Variants in NSA2 observed in about 807,000 individuals in gnomAD.
NSA2 encodes the protein ribosome biogenesis protein NSA2 homolog.
In NSA2, 18 loss-of-function variants were observed where a neutral mutation model predicts 34.8. The ratio of observed to expected loss-of-function variants is 0.52; its 90% CI spans 0.36 to 0.77. NSA2 has a LOEUF of 0.77. NSA2 is among the 30% of genes least tolerant of loss of function. NSA2 has a pLI of 0.00. For missense variants in NSA2, 188 were observed against 314.7 expected (o/e 0.60, Z 3.05); for synonymous variants, 79 against 100.2 (o/e 0.79, Z 1.26).
At chr5:74,776,372 CG>C (rs1745121480) in intron 5 of NSA2, among the ~76,000 whole-genome samples, 1 of 152,080 alleles carries the variant, frequency 6.6e-6, no homozygotes, top group Non-Finnish European at 1.5e-5. Context: ...CAGGCAGTGG[CG>C]TGTGCCTGTG....
chr5:74,767,681 T>A (rs1744737272), intron 1 of NSA2, among the ~76,000 whole-genome samples: 1 of 152,194 alleles, frequency 6.6e-6, no homozygotes, highest in Admixed American at 6.5e-5. Context: ...CCCCAGAGCC[T>A]AATGGGAATA....
intron 3 of NSA2, 45 bp downstream of exon 3, chr5:74,769,409 C>T (rs1275404583): frequency 6.7e-7 from 1 of 1,492,414 alleles, no homozygotes; most frequent in Non-Finnish European, 9.0e-7. Context: ...AGGAGAATTA[C>T]TTAAATTCAA....
chr5:74,773,042 T>C (rs1178171251), intron 4 of NSA2, among the ~76,000 whole-genome samples: 2 of 152,194 alleles, frequency 1.3e-5, no homozygotes, highest in African/African-American at 4.8e-5. Context: ...ACTCCTTTTT[T>C]CATCATGGAA....
chr5:74,775,580 G>A (rs564397807), intron 5 of NSA2, among the ~76,000 whole-genome samples: 20 of 151,760 alleles, frequency 1.3e-4, no homozygotes, highest in Middle Eastern at 3.4e-3. Context: ...ACTGCACTCC[G>A]GCCTGGGAGA....
rs370886171 is a variant in NSA2 at position 74,769,461 on chromosome 5, T to G, written c.342+97T>G. 5.9e-4 allele frequency: 583 copies of G among 983,176 alleles called. 2 individuals carry two copies. The African/African-American group carries it at 8.4e-3, about 14-fold the overall frequency. The allele number at this position is 983,176 out of a possible 1,614,324, so 60.9% of individuals were successfully genotyped here. On this transcript the variant is annotated intron_variant, in intron 3 of 5. Coordinates refer to ENST00000610426, the MANE Select transcript of NSA2 (RefSeq NM_014886.6). ...TCTCGGTTTAATTTCAAACATGAAG[T>G]ACAGCTATTATTCCCATTATTTAGA...
chr5:74,774,038 A>T lies in NSA2; in HGVS notation c.693A>T (p.Thr231=). Residue 231 remains threonine (T), a synonymous_variant, in exon 5 of 6, where the codon ACA becomes ACT. Coordinates refer to ENST00000610426, the MANE Select transcript of NSA2 (RefSeq NM_014886.6). ...ATGTGAGCGAATTGGGCCTTGTGACACAAGGAGGCAAAGTTATTTGGGGTA... is the reference window on the plus strand; with the variant it reads ...ATGTGAGCGAATTGGGCCTTGTGACTCAAGGAGGCAAAGTTATTTGGGGTA... ...EVNVSELGLV[T]QGGKVIWGKY... The T allele has an allele frequency of 6.2e-7, 1 of 1,613,382 alleles. No individual in the cohort carries two copies. The highest frequency in any genetic ancestry group is 1.3e-5 in the African/African-American group (1 of 74,874).
intron 5 of NSA2, among the ~76,000 whole-genome samples, chr5:74,775,310 C>T (rs1490559940): frequency 6.6e-6 from 1 of 151,970 alleles, no homozygotes; most frequent in Non-Finnish European, 1.5e-5. Flanking sequence ...TAGAAGCTTC[C>T]AGGCTTTAAA....
intron 4 of NSA2, chr5:74,771,352 T>C (rs1052297564): frequency 6.6e-6 from 1 of 152,190 alleles, no homozygotes; most frequent in Non-Finnish European, 1.5e-5. Flanking sequence ...TGTCAGTGAA[T>C]TCTGACTTTT....
At chr5:74,767,446 G>T (rs1403104459) in intron 1 of NSA2, 83 bp downstream of exon 1, 12 of 1,536,042 alleles carry the variant, frequency 7.8e-6, no homozygotes, top group Non-Finnish European at 1.1e-5. Flanking sequence ...GGGGTAGGGG[G>T]TGAGCGGTGG....
chr5:74,770,900 A>G, intron 4 of NSA2, 90 bp downstream of exon 4: 1 of 1,006,654 alleles, frequency 9.9e-7, no homozygotes. Context: ...AATTCTTTAA[A>G]TTGATGTGGA....
chr5:74,770,262 C>T (rs549405656), intron 3 of NSA2, among the ~76,000 whole-genome samples: 2 of 147,400 alleles, frequency 1.4e-5, no homozygotes, highest in South Asian at 2.3e-4. Context: ...ACCCAGGAGG[C>T]GGAGGCTGCA....
intron 1 of NSA2, among the ~76,000 whole-genome samples, 166 bp downstream of exon 1, chr5:74,767,529 C>T (rs902524802): frequency 6.6e-6 from 1 of 152,208 alleles, no homozygotes; most frequent in Non-Finnish European, 1.5e-5. Flanking sequence ...GTGGAAACAA[C>T]TTCACATTCG....
chr5:74,770,654 TA>T lies in NSA2; in HGVS notation c.369del (p.Val124TyrfsTer10). Reference protein sequence around the residue: ...KAGKWEVPLPKVRAQGETEVL... With the variant: ...KAGKWEVPLPXVRAQGETEVL... ...AGGGAAAATGGGAAGTCCCTCTGCC[TA>T]AAGTACGTGCCCAGGGAGAAACAGA... On this transcript the variant is annotated frameshift_variant, in exon 4 of 6. Transcript: ENST00000610426. LOFTEE classifies it high-confidence loss of function. The T allele has an allele frequency of 6.3e-7, 1 of 1,599,828 alleles. No individual in the cohort carries two copies. The highest frequency in any genetic ancestry group is 1.1e-5 in the South Asian group (1 of 87,554).
rs1157001411 is a variant in NSA2 at position 74,779,831 on chromosome 5, C to T, written c.*3160C>T. 6.6e-6 allele frequency: 1 copy of T among 152,084 alleles called. No individual in the cohort carries two copies. Among genetic ancestry groups the T allele is most frequent in the Non-Finnish European group, 1.5e-5 (1 of 68,022 alleles). 9.4% of individuals were successfully genotyped at this position (152,084 alleles called of 1,614,324 possible). A position where few individuals can be genotyped will look rare whatever the true frequency, so the allele number is the denominator to read the frequency against. On this transcript the variant is annotated 3_prime_UTR_variant, in exon 6 of 6. Coordinates refer to ENST00000610426, the MANE Select transcript of NSA2 (RefSeq NM_014886.6). ...AACTTGATCGAAAATACCAACATCC[C>T]CAAACAAAATTTACTGACCTGACAT...
chr5:74,773,279 G>C (rs1745003977), intron 4 of NSA2, among the ~76,000 whole-genome samples: 2 of 151,876 alleles, frequency 1.3e-5, no homozygotes, highest in South Asian at 4.2e-4. Flanking sequence ...AAGTCTAAGT[G>C]TAGATGACTA....
chr5:74,773,482 A>AT (rs1244019577), intron 4 of NSA2, among the ~76,000 whole-genome samples: 2 of 151,630 alleles, frequency 1.3e-5, no homozygotes, highest in African/African-American at 4.9e-5. Context: ...AAAAAAAAAA[A>AT]AAAAAAAATA....
intron 4 of NSA2, among the ~76,000 whole-genome samples, chr5:74,771,146 G>C (rs1455535894): frequency 2.0e-5 from 3 of 152,078 alleles, no homozygotes; most frequent in Non-Finnish European, 4.4e-5. Flanking sequence ...TGGGCGTGGT[G>C]GCGGGCGCCT....
intron 4 of NSA2, among the ~76,000 whole-genome samples, chr5:74,772,721 A>G (rs1744983638): frequency 6.6e-6 from 1 of 152,236 alleles, no homozygotes; most frequent in African/African-American, 2.4e-5. Flanking sequence ...AGAATATACA[A>G]GTCAGGCTAT....
At chr5:74,775,206 A>AC (rs1745071173) in intron 5 of NSA2, among the ~76,000 whole-genome samples, 1 of 150,172 alleles carries the variant, frequency 6.7e-6, no homozygotes, top group African/African-American at 2.5e-5. Flanking sequence ...ACAGAGCGAG[A>AC]CTCTGTCTCA....
Sources: allele counts gnomAD v4.1 joint callset (sites outside exome capture counted in the v4.1 genomes callset), GRCh38; gene constraint gnomAD v4.1.1; transcripts MANE v1.5; gene names NCBI Gene and HGNC (gene_info 2026-07-23, HGNC 2026-07-21).